Variants in KATNAL2 observed in about 807,000 individuals in gnomAD.
KATNAL2 encodes the protein katanin catalytic subunit A1 like 2.
KATNAL2 carries 52 observed loss-of-function variants against 76.3 expected under a neutral mutation model. The ratio of observed to expected loss-of-function variants is 0.68; its 90% confidence interval spans 0.55 to 0.86. The LOEUF is 0.86. Ranked by LOEUF, KATNAL2 falls within the 40% of genes least tolerant of loss-of-function variation. The probability of loss-of-function intolerance (pLI) is 0.00; values close to 1 mark genes in which losing one functional copy is unlikely to be tolerated. For missense variants in KATNAL2, 660 were observed against 668.9 expected, an observed-to-expected ratio of 0.99 and a Z score of 0.15; for synonymous variants, 243 against 244.2, an observed-to-expected ratio of 1.00 and a Z score of 0.05.
chr18:47,094,542 T>C (rs527602101), intron 15 of KATNAL2, among the ~76,000 whole-genome samples: 1 of 152,316 alleles, frequency 6.6e-6, no homozygotes, highest in African/African-American at 2.4e-5. Context: ...CTAATGTTTA[T>C]GAGAGGGGTA....
chr18:47,093,888 C>A (rs77087842), intron 15 of KATNAL2, among the ~76,000 whole-genome samples: 1 of 152,172 alleles, frequency 6.6e-6, no homozygotes, highest in Non-Finnish European at 1.5e-5. Context: ...TTTTTAATTT[C>A]TTCTATCATA....
intron 1 of KATNAL2, among the ~76,000 whole-genome samples, chr18:46,922,592 G>A (rs557498181): frequency 5.3e-5 from 8 of 152,002 alleles, no homozygotes; most frequent in African/African-American, 1.7e-4. Context: ...TCGGGAGTTC[G>A]AGACTAGCCT....
In KATNAL2 at chr18:47,099,123, TAG is replaced by T. The variant is rs1599897513; in HGVS notation, c.1212-117_1212-116del. 3 of 941,502 alleles carry T rather than the reference TAG, an allele frequency of 3.2e-6. No individual in the cohort carries two copies. The East Asian group carries it at 7.4e-5, about 23-fold the overall frequency. The allele number at this position is 941,502 out of a possible 1,614,324, so 58.3% of individuals were successfully genotyped here. On this transcript the variant is annotated intron_variant, in intron 15 of 17. Coordinates refer to ENST00000683218, the MANE Select transcript of KATNAL2 (RefSeq NM_001387690.1). Reference sequence around the variant, plus strand: ...GTCCCATCCACTCAAGGCATAGATGTAGAGTGACAGTTAAAATGCAGAATTGC... The same window carrying T: ...GTCCCATCCACTCAAGGCATAGATGTAGTGACAGTTAAAATGCAGAATTGC...
At chr18:46,932,623 G>A (rs1422621011) in intron 1 of KATNAL2, among the ~76,000 whole-genome samples, 9 of 131,276 alleles carry the variant, frequency 6.9e-5, no homozygotes, top group Non-Finnish European at 1.2e-4. Context: ...GCAGTAAGCC[G>A]AGATCGTGCC....
chr18:46,959,934 A>T (rs1055147250), intron 3 of KATNAL2, among the ~76,000 whole-genome samples: 6 of 152,198 alleles, frequency 3.9e-5, no homozygotes, highest in African/African-American at 1.4e-4. Context: ...TCCTATAAAC[A>T]TTTTAAAAAA....
intron 15 of KATNAL2, 186 bp from the exon 16 acceptor site, chr18:47,099,057 G>C (rs550686328): frequency 4.3e-6 from 2 of 466,562 alleles, no homozygotes; most frequent in African/African-American, 4.0e-5. Flanking sequence ...CCCTCCCTCA[G>C]TTCTCTTTCT....
chr18:46,923,266 T>C (rs1360663824), intron 1 of KATNAL2, among the ~76,000 whole-genome samples: 1 of 127,694 alleles, frequency 7.8e-6, no homozygotes, highest in Admixed American at 1.0e-4. Context: ...TTCCCCTTCC[T>C]GTGTCCATGT....
intron 8 of KATNAL2, 26 bp downstream of exon 8, chr18:47,059,680 C>G: frequency 7.1e-7 from 1 of 1,398,742 alleles, no homozygotes; most frequent in South Asian, 1.2e-5. Context: ...GAACCTAACA[C>G]TGAAAGTGGT....
intron 15 of KATNAL2, among the ~76,000 whole-genome samples, chr18:47,092,086 G>A (rs1036331064): frequency 7.6e-6 from 1 of 132,316 alleles, no homozygotes; most frequent in Non-Finnish European, 1.7e-5. Flanking sequence ...ATAAGGAAGA[G>A]GGCATCTTGT....
At chr18:46,961,296 G>C (rs1326715915) in intron 3 of KATNAL2, among the ~76,000 whole-genome samples, 1 of 151,952 alleles carries the variant, frequency 6.6e-6, no homozygotes, top group Non-Finnish European at 1.5e-5. Context: ...CGGTGGGGGT[G>C]GGGGTGGGTA....
In KATNAL2 at chr18:47,053,050, C is replaced by T. The variant is rs770292282; in HGVS notation, c.289+4C>T. The T allele has an allele frequency of 1.3e-6, 2 of 1,584,012 alleles. No homozygotes were observed. The highest frequency in any genetic ancestry group is 3.6e-5 in the Admixed American group (2 of 55,682). On this transcript the variant is annotated splice_donor_region_variant and intron_variant, in intron 5 of 17. Coordinates refer to ENST00000683218, the MANE Select transcript of KATNAL2 (RefSeq NM_001387690.1). ...GTCAAAAAGTCATCAGACACAGGTA[C>T]ATGCCTATTTTCTAGAGATAAGGCT...
intron 1 of KATNAL2, among the ~76,000 whole-genome samples, chr18:46,945,603 C>T (rs1444365969): frequency 6.6e-6 from 1 of 152,194 alleles, no homozygotes; most frequent in Non-Finnish European, 1.5e-5. Context: ...AGTCAGGAAA[C>T]AGGTTTGCAT....
At chr18:46,920,093 A>G (rs2058453075) in intron 1 of KATNAL2, 8 of 1,289,710 alleles carry the variant, frequency 6.2e-6, no homozygotes, top group Non-Finnish European at 8.1e-6. Flanking sequence ...CCCAGCATTC[A>G]TTCTGCCCCT....
chr18:47,059,562 G>T lies in KATNAL2; in HGVS notation c.457G>T (p.Val153Phe), dbSNP rs138575668. ...CTTGTCTCTCTTTCTTCAGGAGGTA[G>T]TTGATAACACTCGCCTGGAAAGTGC... Reference protein sequence around the residue: ...LNKEHPNQEVVDNTRLESANF... With the variant: ...LNKEHPNQEVFDNTRLESANF... Residue 153 changes from valine (V) to phenylalanine (F), a missense_variant, in exon 8 of 18, where the codon GTT becomes TTT. Transcript: ENST00000683218. 1 of 1,607,230 alleles carries T rather than the reference G, an allele frequency of 6.2e-7. No homozygotes were observed. Among genetic ancestry groups the T allele is most frequent in the Non-Finnish European group, 8.5e-7 (1 of 1,173,864 alleles).
Position 47,077,408 on chromosome 18 carries a change from G to A in KATNAL2, c.1158G>A (p.Gly386=). Residue 386 remains glycine, a synonymous_variant, in exon 15 of 18, where the codon GGG becomes GGA. Coordinates refer to ENST00000683218, the MANE Select transcript of KATNAL2 (RefSeq NM_001387690.1). ...MKTELLVQMD[G]LARSEDLVFV... ...CAGAGTTACTGGTGCAGATGGATGGGCTGGCACGCTCAGAAGATCTCGTAT... is the reference window on the plus strand; with the variant it reads ...CAGAGTTACTGGTGCAGATGGATGGACTGGCACGCTCAGAAGATCTCGTAT... 1 of 1,614,070 alleles carries A rather than the reference G, an allele frequency of 6.2e-7. No homozygotes were observed. Among genetic ancestry groups the A allele is most frequent in the African/African-American group, 1.3e-5 (1 of 75,034 alleles).
chr18:46,931,920 C>CT (rs869157451), intron 1 of KATNAL2, among the ~76,000 whole-genome samples: 328 of 144,478 alleles, frequency 2.3e-3, no homozygotes, highest in African/African-American at 6.1e-3. Context: ...CTTTTCTTTT[C>CT]TTTTTTTTTT....
intron 8 of KATNAL2, among the ~76,000 whole-genome samples, chr18:47,060,398 C>G (rs1019825497): frequency 2.6e-5 from 4 of 152,084 alleles, no homozygotes; most frequent in Admixed American, 2.6e-4. Flanking sequence ...TCATGTGGAC[C>G]ATGAAACATC....
At chr18:47,034,456 C>G in intron 3 of KATNAL2, 5 of 1,614,186 alleles carry the variant, frequency 3.1e-6, no homozygotes. Context: ...GTCCCTGGCA[C>G]TTGCCCAGGA....
chr18:46,958,609 A>C (rs1451993957), intron 3 of KATNAL2, among the ~76,000 whole-genome samples: 1 of 152,196 alleles, frequency 6.6e-6, no homozygotes, highest in Non-Finnish European at 1.5e-5. Flanking sequence ...CAAAGATATG[A>C]AATAGAGATT....
Sources: gnomAD v4.1 joint callset for allele counts (sites outside exome capture counted in the v4.1 genomes callset) on GRCh38, gnomAD v4.1.1 for gene constraint, MANE v1.5 for transcripts, NCBI Gene and HGNC (gene_info 2026-07-23, HGNC 2026-07-21) for gene names.